Variants in PTGR3 observed in about 807,000 individuals in gnomAD.
The protein encoded by PTGR3 is zinc binding alcohol dehydrogenase domain containing 2.
At chr18:75,196,138 G>T in the PTGR3 span, 1 of 152,256 alleles carries the variant, frequency 6.6e-6, no homozygotes, top group South Asian at 2.1e-4. Flanking sequence ...CAGTTCTTTA[G>T]GTGCCGAGGA....
chr18:75,205,314 C>A, the PTGR3 span: 2 of 985,674 alleles, frequency 2.0e-6, no homozygotes, highest in Non-Finnish European at 2.4e-6. Context: ...CAGGGAGCCA[C>A]AGAAAGACAA....
At chr18:75,201,410 CTGTTT>C in the PTGR3 span, 1 of 1,597,000 alleles carries the variant, frequency 6.3e-7, no homozygotes, top group Non-Finnish European at 8.6e-7. Flanking sequence ...TGTCATTGTT[CTGTTT>C]TTACAGCTTA....
chr18:75,206,778 G>A, the PTGR3 span, among the ~76,000 whole-genome samples: 4 of 152,214 alleles, frequency 2.6e-5, no homozygotes, highest in African/African-American at 4.8e-5. Flanking sequence ...GATTCTTGGC[G>A]TGTGTGCAGG....
At chr18:75,208,285 G>T in the PTGR3 span, 1 of 963,598 alleles carries the variant, frequency 1.0e-6, no homozygotes, top group Non-Finnish European at 1.2e-6. Flanking sequence ...TGCACTGACA[G>T]CACGCAGACA....
At chr18:75,209,054 A>G in the PTGR3 span, 1 of 1,545,108 alleles carries the variant, frequency 6.5e-7, no homozygotes, top group Non-Finnish European at 8.7e-7. This position sits in a 1 kb window ranked among gnomAD's most constrained non-coding sequence, Gnocchi z 4.7. Context: ...CACCAGCCGC[A>G]GCATGGCCTG....
chr18:75,202,251 C>T, the PTGR3 span: 11 of 1,614,046 alleles, frequency 6.8e-6, no homozygotes, highest in South Asian at 7.7e-5. Context: ...CTCCCCAATG[C>T]CTTCGAAACC....
At chr18:75,195,587 G>A in the PTGR3 span, 1 of 152,152 alleles carries the variant, frequency 6.6e-6, no homozygotes, top group Admixed American at 6.5e-5. Context: ...GGTAGAACTA[G>A]ATTATTCTTT....
the PTGR3 span, chr18:75,201,916 A>C: frequency 6.2e-7 from 1 of 1,614,200 alleles, no homozygotes; most frequent in Non-Finnish European, 8.5e-7. Context: ...GATTTCAGAA[A>C]AGCAGACTTT....
chr18:75,201,402 T>C, the PTGR3 span: 2 of 1,592,652 alleles, frequency 1.3e-6, no homozygotes, highest in Non-Finnish European at 1.7e-6. Context: ...TTGATTTATG[T>C]CATTGTTCTG....
the PTGR3 span, chr18:75,202,107 G>A: frequency 1.1e-5 from 17 of 1,614,100 alleles, no homozygotes; most frequent in Non-Finnish European, 1.4e-5. Context: ...AAGATACTCG[G>A]GTTTCACTGA....
chr18:75,203,295 A>G, the PTGR3 span, among the ~76,000 whole-genome samples: 1 of 152,208 alleles, frequency 6.6e-6, no homozygotes, highest in Non-Finnish European at 1.5e-5. Flanking sequence ...AGAATGTCAG[A>G]AGGTGGCTTA....
chr18:75,201,891 C>T, the PTGR3 span: 76 of 1,614,146 alleles, frequency 4.7e-5, no homozygotes, highest in South Asian at 7.0e-4. Context: ...GTTGATAGGA[C>T]GATCACAGCC....
the PTGR3 span, chr18:75,199,039 C>A: frequency 0.34 from 51,661 of 152,494 alleles, 10,403 homozygotes; most frequent in East Asian, 0.43. Context: ...TCTGAATGGG[C>A]GGAATCTTTC....
At chr18:75,208,220 G>C in the PTGR3 span, 1 of 749,028 alleles carries the variant, frequency 1.3e-6, no homozygotes, top group Non-Finnish European at 1.6e-6. Context: ...CCAGCTGCCC[G>C]GGACACGCGC....
chr18:75,202,665 CAAAAA>C, the PTGR3 span, among the ~76,000 whole-genome samples: 1 of 79,092 alleles, frequency 1.3e-5, no homozygotes, highest in Non-Finnish European at 3.1e-5. Context: ...TAGAAATAAG[CAAAAA>C]AAAAAAAAAG....
the PTGR3 span, chr18:75,202,275 G>A: frequency 6.2e-7 from 1 of 1,614,118 alleles, no homozygotes; most frequent in Non-Finnish European, 8.5e-7. Flanking sequence ...GTCAAAGGGA[G>A]GCTTAACTGA....
the PTGR3 span, chr18:75,202,299 C>A: frequency 6.2e-7 from 1 of 1,613,922 alleles, no homozygotes; most frequent in Non-Finnish European, 8.5e-7. Flanking sequence ...GTCATAGCGG[C>A]CTGCTGAATA....
At chr18:75,201,578 C>T in the PTGR3 span, 1 of 1,614,176 alleles carries the variant, frequency 6.2e-7, no homozygotes, top group Middle Eastern at 1.6e-4. Flanking sequence ...GGTCTCCGCT[C>T]ACACACATCT....
chr18:75,196,606 T>C, the PTGR3 span: 15 of 122,580 alleles, frequency 1.2e-4, 1 homozygote, highest in African/African-American at 4.6e-4. Flanking sequence ...CACTCCAGCC[T>C]GGGTGACAGA....
Sources: allele counts gnomAD v4.1 joint callset (sites outside exome capture counted in the v4.1 genomes callset), GRCh38; gene constraint gnomAD v4.1.1; non-coding constraint Gnocchi (gnomAD v3.1); transcripts MANE v1.5; gene names NCBI Gene and HGNC (gene_info 2026-07-23, HGNC 2026-07-21).